The following HPRT1 variants were observed in gnomAD, a reference collection of about 807,000 sequenced individuals.
HPRT1 encodes the protein hypoxanthine phosphoribosyltransferase 1, also known as hypoxanthine-guanine phosphoribosyltransferase.
A neutral mutation model predicts 19.0 loss-of-function variants in HPRT1; 4 were observed. The observed-to-expected ratio is 0.21, with a 90% CI of 0.10 to 0.48. The LOEUF is 0.48. HPRT1 is among the 20% of genes least tolerant of loss of function. The pLI is 0.98. For synonymous variants in HPRT1, 53 were observed against 54.9 expected (o/e 0.97, Z 0.15); for missense variants, 65 against 164.0 (o/e 0.40, Z 3.30).
At chrX:134,477,067 ATTTT>A (rs1250397909) in intron 3 of HPRT1, among the ~76,000 whole-genome samples, 5 of 84,247 alleles carry the variant, frequency 5.9e-5, no homozygotes, top group East Asian at 3.9e-4. Flanking sequence ...TTATTTATTT[ATTTT>A]TTTTTTTGAG....
At chrX:134,494,263 T>C (rs1489496505) in intron 6 of HPRT1, among the ~76,000 whole-genome samples, 1 of 112,390 alleles carries the variant, frequency 8.9e-6, no homozygotes, top group African/African-American at 3.2e-5. Flanking sequence ...TTTGCTACCT[T>C]AAGTTTTTAA....
chrX:134,486,834 AC>A (rs1229238939), intron 4 of HPRT1, among the ~76,000 whole-genome samples: 10 of 108,334 alleles, frequency 9.2e-5, no homozygotes, highest in African/African-American at 2.7e-4. Context: ...AAAAAAAAAA[AC>A]AAACCTATGT....
chrX:134,464,680 C>T (rs955993393), intron 1 of HPRT1, among the ~76,000 whole-genome samples: 3 of 111,122 alleles, frequency 2.7e-5, no homozygotes, highest in African/African-American at 9.8e-5. Flanking sequence ...CTGGTTCAAG[C>T]GATTCTCCTG....
At chrX:134,471,250 C>A (rs1271004475) in intron 1 of HPRT1, among the ~76,000 whole-genome samples, 5 of 111,087 alleles carry the variant, frequency 4.5e-5, no homozygotes, top group Non-Finnish European at 9.4e-5. Flanking sequence ...CAATAAAGAA[C>A]TAAATAAAAT....
At chrX:134,470,912 AAAG>A (rs1351618703) in intron 1 of HPRT1, among the ~76,000 whole-genome samples, 1 of 107,248 alleles carries the variant, frequency 9.3e-6, no homozygotes. Context: ...TAAAAAAAAA[AAAG>A]AGAGAGAAAA....
intron 5 of HPRT1, among the ~76,000 whole-genome samples, chrX:134,490,454 C>T (rs779874022): frequency 9.9e-6 from 1 of 101,178 alleles, no homozygotes; most frequent in African/African-American, 3.6e-5. Flanking sequence ...AACTCTCTCT[C>T]TCTATTTATC....
chrX:134,495,708 G>A (rs1261619727), intron 6 of HPRT1, among the ~76,000 whole-genome samples: 2 of 111,686 alleles, frequency 1.8e-5, no homozygotes, highest in Non-Finnish European at 3.8e-5. Context: ...TCAGAGTTGT[G>A]CATCTGCTAC....
chrX:134,470,913 A>G (rs1184955789), intron 1 of HPRT1, among the ~76,000 whole-genome samples: 1 of 106,863 alleles, frequency 9.4e-6, no homozygotes, highest in Non-Finnish European at 1.9e-5. Flanking sequence ...AAAAAAAAAA[A>G]AGAGAGAGAA....
chrX:134,477,853 G>T (rs2077629912), intron 3 of HPRT1, among the ~76,000 whole-genome samples: 1 of 109,964 alleles, frequency 9.1e-6, no homozygotes. Context: ...TTTTTTTTAT[G>T]TTTGTAGAGA....
intron 1 of HPRT1, among the ~76,000 whole-genome samples, chrX:134,471,418 G>T (rs2077610201): frequency 1.8e-5 from 2 of 111,021 alleles, no homozygotes; most frequent in Non-Finnish European, 1.9e-5. Flanking sequence ...TATGCCAGGG[G>T]CTAGACATAC....
In HPRT1 at chrX:134,481,505, C is replaced by CTCTATCTATCTA. The variant is rs35832135; in HGVS notation, c.319-4915_319-4904dup. On this transcript the variant is annotated intron_variant, in intron 3 of 8. Transcript: ENST00000298556. ...TTTGTCTCTATCTCTATCTGTCTAT[C>CTCTATCTATCTA]TCTATCTATCTATCTATCTATCTAT... Among the ~76,000 whole-genome samples, 774 of 96,152 alleles carry CTCTATCTATCTA rather than the reference C, an allele frequency of 8.0e-3. 2 individuals are homozygous for CTCTATCTATCTA. Among genetic ancestry groups the CTCTATCTATCTA allele is most frequent in the African/African-American group, 0.011 (272 of 25,775 alleles). 83.5% of individuals were successfully genotyped at this position (96,152 alleles called of 115,157 possible).
chrX:134,461,736 T>G (rs760852645), intron 1 of HPRT1, among the ~76,000 whole-genome samples: 3 of 111,801 alleles, frequency 2.7e-5, no homozygotes, highest in Non-Finnish European at 5.6e-5. Context: ...TTATTACCAT[T>G]TTACAGATGA....
At chrX:134,478,268 T>C (rs1179320008) in intron 3 of HPRT1, among the ~76,000 whole-genome samples, 1 of 111,779 alleles carries the variant, frequency 8.9e-6, no homozygotes, top group Non-Finnish European at 1.9e-5. Context: ...AACACACCCA[T>C]CTATTTTTTT....
intron 4 of HPRT1, among the ~76,000 whole-genome samples, chrX:134,488,319 G>A (rs745598627): frequency 9.1e-6 from 1 of 109,570 alleles, no homozygotes; most frequent in East Asian, 2.9e-4. Flanking sequence ...TTTATCTTTA[G>A]TAGAGACAGG....
In HPRT1 at chrX:134,500,200, AT is replaced by A; in HGVS notation, c.*127del. 2 of 552,776 alleles carry A rather than the reference AT, an allele frequency of 3.6e-6. No homozygotes were observed. The highest frequency in any genetic ancestry group is 5.0e-5 in the Admixed American group (2 of 39,663). The allele number at this position is 552,776 out of a possible 1,213,427, so 45.6% of individuals were successfully genotyped here. On this transcript the variant is annotated 3_prime_UTR_variant, in exon 9 of 9. Transcript: ENST00000298556. ...AGCTTTTTGCATGTATCTTCTAAGA[AT>A]TTTATCTGTTTTGTACTTTAGAAAT... is the stretch of plus-strand genomic sequence containing the variant.
Position 134,486,417 on chromosome X carries a change from ATG to A in HPRT1, c.319-40_319-39del, listed in dbSNP as rs771977598. Reference sequence around the variant, plus strand: ...TGTACATAAGGATATACATATACATATGTGTGTGTAGATATATATATATATAG... The same window carrying A: ...TGTACATAAGGATATACATATACATATGTGTGTAGATATATATATATATAG... On this transcript the variant is annotated intron_variant, in intron 3 of 8. Transcript: ENST00000298556. 2.4e-5 allele frequency: 16 copies of A among 668,696 alleles called. No homozygotes were observed. The South Asian group carries it at 4.9e-4, about 21-fold the overall frequency. The allele number at this position is 668,696 out of a possible 1,213,427, so 55.1% of individuals were successfully genotyped here.
chrX:134,477,200 A>G (rs2077628206), intron 3 of HPRT1, among the ~76,000 whole-genome samples: 1 of 106,921 alleles, frequency 9.4e-6, no homozygotes, highest in Admixed American at 1.0e-4. Context: ...AGCTGGGACT[A>G]CAGGTGCCTG....
Position 134,498,868 on chromosome X carries a change from C to T in HPRT1, c.609+184C>T, listed in dbSNP as rs182929339. On this transcript the variant is annotated intron_variant, in intron 8 of 8. Transcript: ENST00000298556. ...GGAACCTGGCCAGGCTAGGGTGACA[C>T]TTCTTGTTGGCTGAAATAGTTGAAC... Among the ~76,000 whole-genome samples, 254 of 112,434 alleles carry T rather than the reference C, an allele frequency of 2.3e-3. 1 individual carries two copies. Among genetic ancestry groups the T allele is most frequent in the African/African-American group, 7.8e-3 (241 of 31,028 alleles).
chrX:134,473,130 T>TCTGC (rs1237337387), intron 1 of HPRT1, among the ~76,000 whole-genome samples: 1 of 111,338 alleles, frequency 9.0e-6, no homozygotes, highest in Non-Finnish European at 1.9e-5. Flanking sequence ...GCTCAGGCAG[T>TCTGC]CTGCCTGCCT....
Sources: gnomAD v4.1 joint callset for allele counts (sites outside exome capture counted in the v4.1 genomes callset) on GRCh38, gnomAD v4.1.1 for gene constraint, MANE v1.5 for transcripts, NCBI Gene and HGNC (gene_info 2026-07-23, HGNC 2026-07-21) for gene names.